The following AVEN variants were observed in gnomAD, a reference collection of about 807,000 sequenced individuals.
AVEN encodes the protein cell death regulator Aven.
A neutral mutation model predicts 38.1 loss-of-function variants in AVEN; 41 were observed. The observed-to-expected ratio is 1.08, with a 90% CI of 0.84 to 1.40. The LOEUF (loss-of-function observed/expected upper bound fraction) is 1.40, where lower values mean the gene tolerates loss of function less well. Ranked by LOEUF, AVEN falls within the 40% of genes most tolerant of loss-of-function variation. The pLI is 0.00. For missense variants in AVEN, 605 were observed against 438.8 expected, an observed-to-expected ratio of 1.38 and a Z score of -3.38; for synonymous variants, 206 against 171.8, an observed-to-expected ratio of 1.20 and a Z score of -1.56.
chr15:34,024,475 A>G (rs1411073895), intron 1 of AVEN, among the ~76,000 whole-genome samples: 1 of 35,018 alleles, frequency 2.9e-5, no homozygotes, highest in Non-Finnish European at 1.7e-4. Flanking sequence ...CCTGTCTCAA[A>G]AAAAAAAAAA....
In AVEN at chr15:34,003,360, C is replaced by T. The variant is rs913999616; in HGVS notation, c.268-151G>A. On this transcript the variant is annotated intron_variant, in intron 1 of 5. Coordinates refer to ENST00000306730, the MANE Select transcript of AVEN (RefSeq NM_020371.3). The stretch of plus-strand genomic sequence containing the variant: ...ATTAAATATTATTTTAAGAGAATCA[C>T]ACTATACCAGAGTGTTCTTTTAGGG... The T allele has an allele frequency of 6.5e-5, 46 of 703,210 alleles. No individual in the cohort carries two copies. The East Asian group carries it at 7.4e-4, about 11-fold the overall frequency. 43.6% of individuals were successfully genotyped at this position (703,210 alleles called of 1,614,324 possible).
chr15:33,931,289 C>T (rs1229600431), intron 2 of AVEN, among the ~76,000 whole-genome samples: 1 of 148,150 alleles, frequency 6.7e-6, no homozygotes, highest in Non-Finnish European at 1.5e-5. Flanking sequence ...ACATAACCAT[C>T]AAATTAAGGG....
chr15:34,064,419 A>C, intron 4 of AVEN: 22 of 1,351,964 alleles, frequency 1.6e-5, no homozygotes, highest in Non-Finnish European at 2.2e-5. Flanking sequence ...AAGACATCTC[A>C]TTTTGAGTCC....
intron 2 of AVEN, among the ~76,000 whole-genome samples, chr15:33,967,099 C>T (rs973979768): frequency 1.3e-5 from 2 of 152,042 alleles, no homozygotes; most frequent in Non-Finnish European, 2.9e-5. Context: ...CAGTATCATG[C>T]AATGTTAAGT....
chr15:33,934,456 A>G (rs997170726), intron 2 of AVEN, among the ~76,000 whole-genome samples: 4 of 152,322 alleles, frequency 2.6e-5, no homozygotes, highest in East Asian at 1.9e-4. Context: ...AATATCACAC[A>G]AAGTGTTATC....
At chr15:33,960,083 A>G (rs1408702992) in intron 2 of AVEN, among the ~76,000 whole-genome samples, 1 of 152,184 alleles carries the variant, frequency 6.6e-6, no homozygotes, top group Non-Finnish European at 1.5e-5. Context: ...CTCTTTATAA[A>G]ATAAGGGACC....
chr15:34,068,612 C>T (rs986924693), intron 2 of AVEN, among the ~76,000 whole-genome samples: 1 of 152,118 alleles, frequency 6.6e-6, no homozygotes, highest in Admixed American at 6.5e-5. Flanking sequence ...ATGTAATCTA[C>T]AGTCCACACT....
chr15:33,904,873 T>C (rs1214037440), intron 2 of AVEN, among the ~76,000 whole-genome samples: 1 of 152,030 alleles, frequency 6.6e-6, no homozygotes, highest in Non-Finnish European at 1.5e-5. Context: ...CTCACGCCTG[T>C]AATCCCAGTA....
intron 1 of AVEN, among the ~76,000 whole-genome samples, chr15:34,036,194 A>C (rs538608885): frequency 5.9e-4 from 90 of 152,216 alleles, no homozygotes; most frequent in Non-Finnish European, 1.2e-3. Flanking sequence ...CATAATCAGT[A>C]AGCTTAGAGC....
chr15:34,015,674 A>G (rs954951339), intron 1 of AVEN, among the ~76,000 whole-genome samples: 12 of 152,018 alleles, frequency 7.9e-5, no homozygotes, highest in Middle Eastern at 3.4e-3. Context: ...CACATGAGGG[A>G]AAAAAAAGTG....
At chr15:33,927,708 T>C (rs1893675715) in intron 2 of AVEN, among the ~76,000 whole-genome samples, 1 of 152,212 alleles carries the variant, frequency 6.6e-6, no homozygotes, top group South Asian at 2.1e-4. Flanking sequence ...TCATATATTT[T>C]TGTAGAATGT....
intron 2 of AVEN, among the ~76,000 whole-genome samples, chr15:33,953,890 T>A (rs1279381754): frequency 6.6e-6 from 1 of 152,290 alleles, no homozygotes; most frequent in East Asian, 1.9e-4. Context: ...AATTTACCCA[T>A]CTGGCAAAGG....
intron 2 of AVEN, among the ~76,000 whole-genome samples, chr15:33,939,202 G>A (rs1170785648): frequency 1.3e-5 from 2 of 152,198 alleles, no homozygotes; most frequent in Non-Finnish European, 2.9e-5. Context: ...AGACCACAGG[G>A]AGGGAGGAAG....
At chr15:33,996,791 C>A (rs1896954507) in intron 2 of AVEN, among the ~76,000 whole-genome samples, 1 of 152,176 alleles carries the variant, frequency 6.6e-6, no homozygotes, top group East Asian at 1.9e-4. Context: ...AACCAGAGCG[C>A]CTCTTGTCCT....
intron 1 of AVEN, among the ~76,000 whole-genome samples, chr15:34,021,852 T>C (rs1409666304): frequency 1.3e-5 from 2 of 151,624 alleles, no homozygotes; most frequent in African/African-American, 2.4e-5. Context: ...CAAGACTCCA[T>C]CTCAAAAATA....
intron 2 of AVEN, among the ~76,000 whole-genome samples, chr15:33,916,147 C>A (rs1198839120): frequency 1.3e-5 from 2 of 152,194 alleles, no homozygotes; most frequent in Non-Finnish European, 2.9e-5. Context: ...TCCCACCCAC[C>A]ACCTGATCCT....
chr15:33,973,422 T>C (rs1895725520), intron 2 of AVEN, among the ~76,000 whole-genome samples: 1 of 152,224 alleles, frequency 6.6e-6, no homozygotes, highest in African/African-American at 2.4e-5. Flanking sequence ...TCATTTGTGT[T>C]GCAAAGACAG....
intron 1 of AVEN, among the ~76,000 whole-genome samples, chr15:34,010,368 A>G (rs1897585790): frequency 6.6e-6 from 1 of 152,214 alleles, no homozygotes; most frequent in Admixed American, 6.5e-5. Flanking sequence ...ATACTTACAG[A>G]TTATCTCTAT....
chr15:33,965,656 T>TA (rs1484565901), intron 2 of AVEN, among the ~76,000 whole-genome samples: 1 of 152,108 alleles, frequency 6.6e-6, no homozygotes, highest in African/African-American at 2.4e-5. Context: ...AGTTTAAATA[T>TA]GAGAATACAT....
Sources: allele counts gnomAD v4.1 joint callset (sites outside exome capture counted in the v4.1 genomes callset), GRCh38; gene constraint gnomAD v4.1.1; transcripts MANE v1.5; gene names NCBI Gene and HGNC (gene_info 2026-07-23, HGNC 2026-07-21).